Variants in GRB10 observed in about 807,000 individuals in gnomAD.
GRB10 encodes the protein growth factor receptor bound protein 10.
GRB10 carries 20 observed loss-of-function variants against 80.9 expected under a neutral mutation model. The ratio of observed to expected loss-of-function variants is 0.25; its 90% CI spans 0.17 to 0.36. The LOEUF is 0.36. Ranked by LOEUF, GRB10 falls within the 10% of genes least tolerant of loss-of-function variation. The pLI is 1.00. For synonymous variants in GRB10, 291 were observed against 291.5 expected (o/e 1.00, Z 0.02); for missense variants, 548 against 747.7 (o/e 0.73, Z 3.12).
intron 1 of GRB10, among the ~76,000 whole-genome samples, chr7:50,787,957 G>A (rs1234989863): frequency 6.6e-6 from 1 of 152,150 alleles, no homozygotes; most frequent in Non-Finnish European, 1.5e-5. Flanking sequence ...AGAGGGCACT[G>A]AACATGACCC....
intron 2 of GRB10, among the ~76,000 whole-genome samples, chr7:50,762,241 C>T (rs2075846215): frequency 6.6e-6 from 1 of 151,552 alleles, no homozygotes; most frequent in African/African-American, 2.4e-5. Context: ...AGCTCCAAGA[C>T]ACCTAGGAAG....
intron 1 of GRB10, among the ~76,000 whole-genome samples, chr7:50,791,269 T>C (rs538218168): frequency 2.6e-5 from 4 of 152,238 alleles, no homozygotes; most frequent in African/African-American, 9.6e-5. Context: ...ATGTAAAAAG[T>C]GAGTGAACTA....
In GRB10 at chr7:50,672,728, C is replaced by G. The variant is rs187254485; in HGVS notation, c.362+1708G>C. Among the ~76,000 whole-genome samples the G allele has an allele frequency of 4.5e-3, 681 of 152,284 alleles. 2 individuals carry two copies. The highest frequency in any genetic ancestry group is 7.3e-3 in the Non-Finnish European group (494 of 68,018). On this transcript the variant is annotated intron_variant, in intron 6 of 18. Transcript: ENST00000401949. ...GCAGGGAGGCAGGCCTTCTGGCTTTCCAGCCCACCCTCGGGCACCTTCGCC... is the reference window on the plus strand; with the variant it reads ...GCAGGGAGGCAGGCCTTCTGGCTTTGCAGCCCACCCTCGGGCACCTTCGCC...
At chr7:50,618,230 C>T in intron 9 of GRB10, 91 bp from the exon 10 acceptor site, 1 of 952,030 alleles carries the variant, frequency 1.1e-6, no homozygotes, top group Non-Finnish European at 1.7e-6. Context: ...TAAAACTATT[C>T]CTACCAGTAT....
In GRB10 at chr7:50,593,029, G is replaced by T. The variant is rs776688540; in HGVS notation, c.1708C>A (p.Leu570Met). The change falls in exon 19 of 19, where the codon CTG becomes ATG. Residue 570 changes from leucine to methionine, a missense_variant. Transcript: ENST00000401949. ...GNTKFSDLIQ[L>M]VDFYQLNKGV... Reference sequence around the variant, plus strand: ...TTGTTCAGCTGGTAAAAGTCAACCAGCTGGATCAGGTCAGAGAATTTGGTG... The same window carrying T: ...TTGTTCAGCTGGTAAAAGTCAACCATCTGGATCAGGTCAGAGAATTTGGTG... 2 of 1,614,226 alleles carry T rather than the reference G, an allele frequency of 1.2e-6. No individual in the cohort carries two copies. The highest frequency in any genetic ancestry group is 8.5e-7 in the Non-Finnish European group (1 of 1,180,044).
chr7:50,737,914 C>T (rs1480330353), intron 3 of GRB10, among the ~76,000 whole-genome samples: 1 of 152,092 alleles, frequency 6.6e-6, no homozygotes, highest in East Asian at 1.9e-4. Context: ...GCCTACAACT[C>T]AACAACAAAA....
chr7:50,628,170 C>T (rs932278717), intron 7 of GRB10, among the ~76,000 whole-genome samples: 1 of 152,240 alleles, frequency 6.6e-6, no homozygotes, highest in Non-Finnish European at 1.5e-5. Context: ...AGCTGAGAGG[C>T]TGAAACACGT....
intron 7 of GRB10, among the ~76,000 whole-genome samples, chr7:50,659,851 G>A (rs948852885): frequency 2.6e-5 from 4 of 152,190 alleles, no homozygotes; most frequent in Admixed American, 6.5e-5. Flanking sequence ...GGATTCACGC[G>A]TCCCCTCATA....
At chr7:50,744,325 C>T (rs899752333) in intron 3 of GRB10, among the ~76,000 whole-genome samples, 4 of 152,122 alleles carry the variant, frequency 2.6e-5, no homozygotes, top group Non-Finnish European at 4.4e-5. Context: ...TCAAAGCATC[C>T]TACCTTTATG....
At chr7:50,601,071 G>A (rs868126036) in intron 17 of GRB10, among the ~76,000 whole-genome samples, 2 of 152,256 alleles carry the variant, frequency 1.3e-5, no homozygotes, top group South Asian at 2.1e-4. Flanking sequence ...GGGCCATCGC[G>A]ATGCGCTGCT....
chr7:50,652,823 T>C (rs899702546), intron 7 of GRB10, among the ~76,000 whole-genome samples: 4 of 152,238 alleles, frequency 2.6e-5, no homozygotes, highest in African/African-American at 4.8e-5. Flanking sequence ...TTTGGCTTAT[T>C]GCACACCAGG....
chr7:50,685,390 T>G (rs2061999567), intron 5 of GRB10, among the ~76,000 whole-genome samples: 1 of 152,202 alleles, frequency 6.6e-6, no homozygotes, highest in South Asian at 2.1e-4. Flanking sequence ...AGCTAAAACC[T>G]GCTTCAGTTA....
At chr7:50,783,899 A>G (rs2153714857), upstream of GRB10, among the ~76,000 whole-genome samples, 1 of 152,324 alleles carries the variant, frequency 6.6e-6, no homozygotes, top group South Asian at 2.1e-4. Context: ...CCTGAAGGTC[A>G]CTGGAGGAGG....
rs1278787008 is a variant in GRB10, at chr7:50,591,922, G to A, written c.*1030C>T. Reference sequence around the variant, plus strand: ...ACAACCAGGTGCCATTTTCTCTTTAGATCCTTTAATCCCCCGAGGGACATC... The same window carrying A: ...ACAACCAGGTGCCATTTTCTCTTTAAATCCTTTAATCCCCCGAGGGACATC... On this transcript the variant is annotated 3_prime_UTR_variant, in exon 19 of 19. Transcript: ENST00000401949. 6.6e-6 allele frequency: 1 copy of A among 152,218 alleles called. No individual in the cohort carries two copies. Among genetic ancestry groups the A allele is most frequent in the African/African-American group, 2.4e-5 (1 of 41,426 alleles). The allele number at this position is 152,218 out of a possible 1,614,324, so 9.4% of individuals were successfully genotyped here.
chr7:50,610,327 G>C (rs1293258580), intron 13 of GRB10, among the ~76,000 whole-genome samples: 1 of 152,216 alleles, frequency 6.6e-6, no homozygotes, highest in Non-Finnish European at 1.5e-5. Context: ...ATGGCTATTT[G>C]GGGCAGAAAC....
chr7:50,641,445 A>T (rs2056244711), intron 7 of GRB10, among the ~76,000 whole-genome samples: 1 of 152,168 alleles, frequency 6.6e-6, no homozygotes. Flanking sequence ...CCTGAAGGGC[A>T]TCCTAAAAGC....
At chr7:50,763,118 CAAAA>C (rs200821473) in intron 2 of GRB10, among the ~76,000 whole-genome samples, 1 of 102,496 alleles carries the variant, frequency 9.8e-6, no homozygotes, top group Non-Finnish European at 2.1e-5. Flanking sequence ...ACTCCGTCTC[CAAAA>C]AAAAAAAAAA....
At chr7:50,772,179 C>T (rs1328343906) in intron 2 of GRB10, among the ~76,000 whole-genome samples, 1 of 152,194 alleles carries the variant, frequency 6.6e-6, no homozygotes, top group African/African-American at 2.4e-5. Flanking sequence ...AAGAACCCCC[C>T]TTGCCTCTGA....
At position 50,658,630 on chromosome 7, in the gene GRB10, A is replaced by G. The variant is rs546485026; in HGVS notation, c.504+11092T>C. 7.6e-4 allele frequency among the ~76,000 whole-genome samples: 115 copies of G among 152,312 alleles called. 1 individual carries two copies. Among genetic ancestry groups the G allele is most frequent in the Admixed American group, 2.7e-3 (42 of 15,304 alleles). On this transcript the variant is annotated intron_variant, in intron 7 of 18. Transcript: ENST00000401949. Reference sequence around the variant, plus strand: ...TATAATTTAAGTGCTCACATTTCCAATGCTCTTGACAGCTATAGATATCAA... The same window carrying G: ...TATAATTTAAGTGCTCACATTTCCAGTGCTCTTGACAGCTATAGATATCAA...
Sources: gnomAD v4.1 joint callset for allele counts (sites outside exome capture counted in the v4.1 genomes callset) on GRCh38, gnomAD v4.1.1 for gene constraint, MANE v1.5 for transcripts, NCBI Gene and HGNC (gene_info 2026-07-23, HGNC 2026-07-21) for gene names.